The following SCHIP1 variants were observed in gnomAD, a reference collection of about 807,000 sequenced individuals.
The protein encoded by SCHIP1 is schwannomin-interacting protein 1.
SCHIP1 carries 8 observed loss-of-function variants against 29.7 expected under a neutral mutation model. The observed-to-expected ratio is 0.27, with a 90% CI of 0.16 to 0.49. SCHIP1 has a LOEUF of 0.49. Among genes scored for constraint, SCHIP1 ranks in the 20% least tolerant of loss-of-function variants. The pLI is 0.99. For missense variants in SCHIP1, 193 were observed against 294.6 expected (o/e 0.66, Z 2.52); for synonymous variants, 76 against 94.9 (o/e 0.80, Z 1.16).
At chr3:159,653,532 A>T in the SCHIP1 span, among the ~76,000 whole-genome samples, 1 of 151,010 alleles carries the variant, frequency 6.6e-6, no homozygotes, top group Non-Finnish European at 1.5e-5. Context: ...GTGGGAGTTG[A>T]ACAATGAGAA....
At chr3:159,831,668 G>C in the SCHIP1 span, among the ~76,000 whole-genome samples, 2 of 152,138 alleles carry the variant, frequency 1.3e-5, no homozygotes, top group African/African-American at 4.8e-5. Context: ...CTGATACTGA[G>C]CCAGCTACTT....
chr3:159,308,462 C>A, the SCHIP1 span, among the ~76,000 whole-genome samples: 1 of 152,190 alleles, frequency 6.6e-6, no homozygotes. Flanking sequence ...AAATGCAAAT[C>A]AAAACACAAA....
chr3:159,862,271 A>T (rs886566063), intron 1 of SCHIP1, among the ~76,000 whole-genome samples: 1 of 152,168 alleles, frequency 6.6e-6, no homozygotes, highest in African/African-American at 2.4e-5. Flanking sequence ...TTACTCTTTA[A>T]TGTGGAAAAG....
At chr3:159,424,733 T>C in the SCHIP1 span, among the ~76,000 whole-genome samples, 2 of 152,030 alleles carry the variant, frequency 1.3e-5, no homozygotes, top group South Asian at 4.2e-4. Flanking sequence ...CCAAGACACA[T>C]AATTGTCAGA....
the SCHIP1 span, among the ~76,000 whole-genome samples, chr3:159,633,463 G>A: frequency 4.6e-5 from 7 of 152,164 alleles, no homozygotes; most frequent in African/African-American, 1.7e-4. Flanking sequence ...CCATCTCAGT[G>A]AAATTGCAGA....
chr3:159,300,701 G>T, the SCHIP1 span, among the ~76,000 whole-genome samples: 1 of 152,180 alleles, frequency 6.6e-6, no homozygotes, highest in African/African-American at 2.4e-5. Flanking sequence ...TTTGAAAGAG[G>T]CAGTGTGGAG....
chr3:159,450,348 T>C, the SCHIP1 span, among the ~76,000 whole-genome samples: 1 of 152,306 alleles, frequency 6.6e-6, no homozygotes, highest in African/African-American at 2.4e-5. Flanking sequence ...TGCCCCTAAC[T>C]CCAGAATGCC....
At chr3:159,430,119 A>G in the SCHIP1 span, among the ~76,000 whole-genome samples, 1 of 152,208 alleles carries the variant, frequency 6.6e-6, no homozygotes, top group African/African-American at 2.4e-5. Flanking sequence ...ATTTGTAAAT[A>G]TAGAGAAAAA....
chr3:159,518,012 C>A, the SCHIP1 span, among the ~76,000 whole-genome samples: 1 of 151,774 alleles, frequency 6.6e-6, no homozygotes, highest in Non-Finnish European at 1.5e-5. Flanking sequence ...ATGGAAATGG[C>A]AAAAAATATG....
At chr3:159,359,779 G>A in the SCHIP1 span, among the ~76,000 whole-genome samples, 4 of 152,276 alleles carry the variant, frequency 2.6e-5, no homozygotes, top group South Asian at 4.1e-4. Context: ...CATGCTTTAA[G>A]CCAATAATCA....
intron 2 of SCHIP1, 41 bp downstream of exon 3, chr3:159,866,322 TG>T: frequency 6.4e-7 from 1 of 1,551,528 alleles, no homozygotes; most frequent in African/African-American, 1.4e-5. Context: ...ATGTACACAG[TG>T]GATTCTGTCA....
chr3:159,582,420 G>A, the SCHIP1 span, among the ~76,000 whole-genome samples: 1 of 151,976 alleles, frequency 6.6e-6, no homozygotes, highest in Non-Finnish European at 1.5e-5. Context: ...TCCTGCCTCG[G>A]CCTCCCAAAG....
At chr3:159,763,215 A>C in the SCHIP1 span, among the ~76,000 whole-genome samples, 7 of 150,844 alleles carry the variant, frequency 4.6e-5, no homozygotes, top group Admixed American at 6.6e-5. Context: ...GGCGAGGAGG[A>C]AGGTGGAAGG....
At chr3:159,892,185 G>A in exon 6 of SCHIP1, 1 of 1,614,136 alleles carries the variant, frequency 6.2e-7, no homozygotes, top group East Asian at 2.2e-5. Context: ...TTGAAGACTT[G>A]ACCAGGTCAG....
chr3:159,459,279 C>T, the SCHIP1 span, among the ~76,000 whole-genome samples: 2 of 152,016 alleles, frequency 1.3e-5, no homozygotes, highest in African/African-American at 4.8e-5. Context: ...GATCAAAGCT[C>T]AGAGATTTAA....
the SCHIP1 span, among the ~76,000 whole-genome samples, chr3:159,793,630 TCA>T: frequency 6.6e-6 from 1 of 152,148 alleles, no homozygotes; most frequent in African/African-American, 2.4e-5. Flanking sequence ...TCATCTCGTC[TCA>T]CTGCAACTTC....
At chr3:159,841,657 A>G (rs1159112363) in intron 1 of SCHIP1, among the ~76,000 whole-genome samples, 1 of 152,232 alleles carries the variant, frequency 6.6e-6, no homozygotes. Flanking sequence ...TTGTTTTTGT[A>G]GGTTGAAAAT....
the SCHIP1 span, among the ~76,000 whole-genome samples, chr3:159,418,640 C>G: frequency 6.6e-6 from 1 of 152,114 alleles, no homozygotes; most frequent in African/African-American, 2.4e-5. Context: ...ATATACAGAG[C>G]CTTTTCTTTC....
the SCHIP1 span, among the ~76,000 whole-genome samples, chr3:159,411,422 C>T: frequency 6.6e-6 from 1 of 151,864 alleles, no homozygotes; most frequent in Admixed American, 6.6e-5. Context: ...TACTCTGTGA[C>T]CAGAAATGTT....
Sources: gnomAD v4.1 joint callset for allele counts (sites outside exome capture counted in the v4.1 genomes callset) on GRCh38, gnomAD v4.1.1 for gene constraint, MANE v1.5 for transcripts, NCBI Gene and HGNC (gene_info 2026-07-23, HGNC 2026-07-21) for gene names.